DRC8: variants seen among roughly 807,000 people sequenced by gnomAD.
The protein encoded by DRC8 is dynein regulatory complex protein 8.
At chr1:245,047,022 G>A in the DRC8 span, among the ~76,000 whole-genome samples, 1 of 152,332 alleles carries the variant, frequency 6.6e-6, no homozygotes, top group Non-Finnish European at 1.5e-5. Flanking sequence ...GGCTCAACGA[G>A]TCCATCTGAA....
At chr1:245,024,621 C>T in the DRC8 span, among the ~76,000 whole-genome samples, 1 of 150,860 alleles carries the variant, frequency 6.6e-6, no homozygotes, top group African/African-American at 2.4e-5. Flanking sequence ...GATCTCAGCT[C>T]ACTGCAACCT....
chr1:244,999,697 G>A, the DRC8 span, among the ~76,000 whole-genome samples: 1 of 152,032 alleles, frequency 6.6e-6, no homozygotes, highest in Non-Finnish European at 1.5e-5. Context: ...TTATCCATGG[G>A]GAATACTACA....
chr1:245,054,559 G>T, the DRC8 span, among the ~76,000 whole-genome samples: 3 of 151,932 alleles, frequency 2.0e-5, no homozygotes, highest in South Asian at 2.1e-4. Flanking sequence ...TAGCCTCCAC[G>T]CCCCGGCCCT....
chr1:245,012,576 C>T, the DRC8 span, among the ~76,000 whole-genome samples: 7 of 151,632 alleles, frequency 4.6e-5, no homozygotes, highest in African/African-American at 1.2e-4. Context: ...TTACAGGGCT[C>T]GAAAAAATAT....
the DRC8 span, among the ~76,000 whole-genome samples, chr1:245,031,919 T>C: frequency 1.3e-5 from 2 of 152,226 alleles, no homozygotes; most frequent in African/African-American, 4.8e-5. Flanking sequence ...TACATTTGTA[T>C]AGATTCATGC....
At chr1:245,095,442 A>G in the DRC8 span, among the ~76,000 whole-genome samples, 2 of 152,254 alleles carry the variant, frequency 1.3e-5, no homozygotes, top group African/African-American at 4.8e-5. Flanking sequence ...AAATGAATAC[A>G]TAAGGAACAA....
the DRC8 span, among the ~76,000 whole-genome samples, chr1:245,099,642 G>A: frequency 6.6e-6 from 1 of 152,248 alleles, no homozygotes; most frequent in African/African-American, 2.4e-5. Context: ...CCGTTTGCAA[G>A]TGAAGCCCCA....
the DRC8 span, chr1:245,083,745 A>G: frequency 6.4e-7 from 1 of 1,553,728 alleles, no homozygotes; most frequent in South Asian, 1.2e-5. Context: ...ATAATTTGTT[A>G]ACAGTTATGC....
the DRC8 span, among the ~76,000 whole-genome samples, chr1:245,022,164 T>C: frequency 5.3e-5 from 8 of 151,782 alleles, no homozygotes; most frequent in East Asian, 3.9e-4. Context: ...TTTTTTTTTT[T>C]CCAGACAGTC....
At chr1:245,115,744 A>G in the DRC8 span, among the ~76,000 whole-genome samples, 1 of 152,234 alleles carries the variant, frequency 6.6e-6, no homozygotes, top group Admixed American at 6.5e-5. Flanking sequence ...ACACCAGGGC[A>G]GAATGATGGA....
the DRC8 span, chr1:244,969,953 A>C: frequency 2.0e-6 from 1 of 506,722 alleles, no homozygotes; most frequent in Admixed American, 4.3e-5. Flanking sequence ...CCAGCTCTTC[A>C]CCTAGCTCTC....
chr1:245,089,600 A>C, the DRC8 span, among the ~76,000 whole-genome samples: 35 of 152,276 alleles, frequency 2.3e-4, no homozygotes, highest in African/African-American at 8.2e-4. The surrounding 1 kb of genome is among the most constrained non-coding windows in gnomAD (Gnocchi z 4.8). Flanking sequence ...GGTGTTAGCA[A>C]TGGAGAGTTC....
At chr1:245,013,706 G>C in the DRC8 span, among the ~76,000 whole-genome samples, 13 of 152,140 alleles carry the variant, frequency 8.5e-5, no homozygotes, top group Non-Finnish European at 1.5e-4. Flanking sequence ...ATTGCTGAGT[G>C]AGAAATTAGA....
At chr1:245,044,051 A>G in the DRC8 span, 2 of 152,248 alleles carry the variant, frequency 1.3e-5, no homozygotes, top group Non-Finnish European at 2.9e-5. Context: ...TTCTGTATTA[A>G]ATGCAAAATA....
chr1:245,105,747 T>A, the DRC8 span, among the ~76,000 whole-genome samples: 2 of 152,348 alleles, frequency 1.3e-5, no homozygotes, highest in African/African-American at 2.4e-5. Flanking sequence ...TTTTCTTTAA[T>A]TTTTCAAGCA....
At chr1:245,084,901 C>G in the DRC8 span, among the ~76,000 whole-genome samples, 4 of 152,202 alleles carry the variant, frequency 2.6e-5, no homozygotes, top group African/African-American at 9.6e-5. Flanking sequence ...AGAACTCTGA[C>G]GCCATTGTTA....
chr1:245,046,847 G>T, the DRC8 span, among the ~76,000 whole-genome samples: 33 of 151,832 alleles, frequency 2.2e-4, no homozygotes, highest in Non-Finnish European at 4.4e-4. Flanking sequence ...CTTCTCACTC[G>T]CTCTCTTATA....
chr1:245,070,214 A>G, the DRC8 span, among the ~76,000 whole-genome samples: 1 of 152,222 alleles, frequency 6.6e-6, no homozygotes, highest in South Asian at 2.1e-4. Context: ...AATATCATTA[A>G]TATTTTCCAT....
the DRC8 span, among the ~76,000 whole-genome samples, chr1:245,093,900 G>C: frequency 2.6e-5 from 4 of 152,120 alleles, no homozygotes; most frequent in Non-Finnish European, 5.9e-5. Flanking sequence ...TAAGTTTTCA[G>C]CTATTAGTAA....
Sources: allele counts gnomAD v4.1 joint callset (sites outside exome capture counted in the v4.1 genomes callset), GRCh38; gene constraint gnomAD v4.1.1; non-coding constraint Gnocchi (gnomAD v3.1); transcripts MANE v1.5; gene names NCBI Gene and HGNC (gene_info 2026-07-23, HGNC 2026-07-21).